DIDO1: variants seen among roughly 807,000 people sequenced by gnomAD.
DIDO1 encodes death inducer-obliterator 1, also known as death-inducer obliterator 1.
Under a neutral mutation model 99.4 loss-of-function variants are expected in DIDO1, and 16 were observed. That is an observed-to-expected ratio of 0.16 (90% CI 0.11 to 0.24). The LOEUF (loss-of-function observed/expected upper bound fraction) is 0.24, where lower values mean the gene tolerates loss of function less well. DIDO1 is among the 10% of genes least tolerant of loss of function. The pLI, the probability that DIDO1 is intolerant of heterozygous loss-of-function variation, is 1.00. For missense variants in DIDO1, 2,996 were observed against 3,014.0 expected (o/e 0.99, Z 0.14); for synonymous variants, 1,366 against 1,239.1 (o/e 1.10, Z -2.15).
upstream of DIDO1, among the ~76,000 whole-genome samples, chr20:62,929,692 A>AAAAAAAAAAAAAATATATATATAT: frequency 1.1e-4 from 7 of 63,708 alleles, 1 homozygote; most frequent in African/African-American, 5.3e-4. Context: ...AAAAAGAAAA[A>AAAAAAAAAAAAAATATATATATAT]GTGTATATAT....
chr20:62,911,292 G>A lies in DIDO1; in HGVS notation c.321C>T (p.Ala107=), dbSNP rs143161532. 121 of 1,611,524 alleles carry A rather than the reference G, an allele frequency of 7.5e-5. No individual in the cohort carries two copies. In the African/African-American group the frequency reaches 1.3e-3, roughly 17 times the overall value. Residue 107 remains alanine, a synonymous_variant, in exon 3 of 16, where the codon GCC becomes GCT. Coordinates refer to ENST00000395343, the MANE Select transcript of DIDO1 (RefSeq NM_001193369.2). The surrounding 1 kb of genome is among the most constrained non-coding windows in gnomAD (Gnocchi z 7.0). ...GEPTSCPATD[A]ETASEGSVES... is the part of the protein sequence containing the mutation. ...CCACGCTGCCCTCGGAGGCTGTCTC[G>A]GCGTCTGTGGCGGGGCAGGACGTGG...
chr20:62,906,278 GGTGGGCCCGCA>G (rs1157977189), intron 5 of DIDO1, among the ~76,000 whole-genome samples, 178 bp from the exon 6 acceptor site: 3 of 152,134 alleles, frequency 2.0e-5, no homozygotes, highest in Non-Finnish European at 4.4e-5. Context: ...GTGGGCCCGC[GGTGGGCCCGCA>G]GTTTCCCCGT....
At chr20:62,907,503 T>A in intron 4 of DIDO1, 144 bp from the exon 5 acceptor site, 3 of 813,628 alleles carry the variant, frequency 3.7e-6, no homozygotes, top group Non-Finnish European at 5.7e-6. Flanking sequence ...TGAATAAACA[T>A]TTTGTTGATT....
At chr20:62,931,495 C>T (rs1367946601), upstream of DIDO1, among the ~76,000 whole-genome samples, 1 of 152,190 alleles carries the variant, frequency 6.6e-6, no homozygotes, top group East Asian at 1.9e-4. Flanking sequence ...CAAAAAAACG[C>T]TTGGACAGAT....
At chr20:62,887,037 C>T (rs939598216) in intron 15 of DIDO1, among the ~76,000 whole-genome samples, 5 of 152,198 alleles carry the variant, frequency 3.3e-5, no homozygotes, top group South Asian at 2.1e-4. Context: ...GCCGGGGTGC[C>T]GAGAAGGGCC....
In DIDO1 at chr20:62,911,404, C is replaced by G. The variant is rs769102009; in HGVS notation, c.209G>C (p.Arg70Pro). ...SLRRSGRQPKRTERVEQFLTI... is the reference protein window; with the variant it reads ...SLRRSGRQPKPTERVEQFLTI... ...CAGGAACTGCTCCACGCGCTCAGTG[C>G]GCTTGGGCTGCCTCCCACTGCGCCG... Residue 70 changes from arginine (R) to proline (P), a missense_variant, in exon 3 of 16, where the codon CGC becomes CCC. Transcript: ENST00000395343. This position sits in a 1 kb window ranked among gnomAD's most constrained non-coding sequence, Gnocchi z 7.0. 1 of 1,611,490 alleles carries G rather than the reference C, an allele frequency of 6.2e-7. No individual in the cohort carries two copies. Among genetic ancestry groups the G allele is most frequent in the African/African-American group, 1.3e-5 (1 of 75,028 alleles).
At chr20:62,934,569 C>T (rs775845843) in intron 1 of DIDO1, among the ~76,000 whole-genome samples, 2 of 152,192 alleles carry the variant, frequency 1.3e-5, no homozygotes, top group South Asian at 2.1e-4. Context: ...GCTGCTGCAG[C>T]GTTTTGTGGC....
chr20:62,906,259 G>C (rs1348230466), intron 5 of DIDO1, among the ~76,000 whole-genome samples, 159 bp from the exon 6 acceptor site: 1 of 152,222 alleles, frequency 6.6e-6, no homozygotes, highest in Non-Finnish European at 1.5e-5. Context: ...CAACACACTT[G>C]CGTATTCGGT....
At chr20:62,906,266 C>T (rs899105904) in intron 5 of DIDO1, among the ~76,000 whole-genome samples, 166 bp from the exon 6 acceptor site, 5 of 152,060 alleles carry the variant, frequency 3.3e-5, no homozygotes, top group South Asian at 2.1e-4. Context: ...CTTGCGTATT[C>T]GGTGGGCCCG....
At chr20:62,930,615 A>G (rs2065323855), upstream of DIDO1, among the ~76,000 whole-genome samples, 1 of 152,234 alleles carries the variant, frequency 6.6e-6, no homozygotes. Context: ...GAGGGAAATG[A>G]GATGGGAGGA....
chr20:62,894,730 C>A lies in DIDO1; in HGVS notation c.2436+80G>T. The A allele has an allele frequency of 6.7e-7, 1 of 1,489,518 alleles. No homozygotes were observed. The highest frequency in any genetic ancestry group is 9.1e-7 in the Non-Finnish European group (1 of 1,095,824). 92.3% of individuals were successfully genotyped at this position (1,489,518 alleles called of 1,614,324 possible). A position where few individuals can be genotyped will look rare whatever the true frequency, so the allele number is the denominator to read the frequency against. ...CACCTGCTGTAAGCTCAGGTCCTGCCCAATAATTTAAGATAACCTCAAAAC... is the reference window on the plus strand; with the variant it reads ...CACCTGCTGTAAGCTCAGGTCCTGCACAATAATTTAAGATAACCTCAAAAC... On this transcript the variant is annotated intron_variant, in intron 10 of 15. Coordinates refer to ENST00000395343, the MANE Select transcript of DIDO1 (RefSeq NM_001193369.2). The surrounding 1 kb of genome is among the most constrained non-coding windows in gnomAD (Gnocchi z 4.4).
At chr20:62,921,263 G>A (rs1380564928) in intron 1 of DIDO1, among the ~76,000 whole-genome samples, 1 of 152,214 alleles carries the variant, frequency 6.6e-6, no homozygotes, top group Non-Finnish European at 1.5e-5. Context: ...CAAACATGGT[G>A]ACTATCAATA....
upstream of DIDO1, chr20:62,926,589 C>G (rs2065261378): frequency 6.6e-6 from 1 of 152,192 alleles, no homozygotes; most frequent in Non-Finnish European, 1.5e-5. Context: ...GAGCGGAGCC[C>G]GGGCTGCGAA....
In DIDO1 at chr20:62,909,759, C is replaced by T; in HGVS notation, c.1101G>A (p.Lys367=). 1 of 1,614,242 alleles carries T rather than the reference C, an allele frequency of 6.2e-7. No individual in the cohort carries two copies. The highest frequency in any genetic ancestry group is 8.5e-7 in the Non-Finnish European group (1 of 1,180,040). Residue 367 remains lysine, a synonymous_variant, in exon 4 of 16, where the codon AAG becomes AAA. Coordinates refer to ENST00000395343, the MANE Select transcript of DIDO1 (RefSeq NM_001193369.2). Reference sequence around the variant, plus strand: ...GATTTGCAGCTTTCTCAATTCTACCCTTTATCCCTTGGTCTTCGCTAGACT... The same window carrying T: ...GATTTGCAGCTTTCTCAATTCTACCTTTTATCCCTTGGTCTTCGCTAGACT... The part of the protein sequence containing the change: ...EQKSSEDQGI[K]GRIEKAANPS...
At chr20:62,920,643 T>C (rs575705228) in intron 1 of DIDO1, among the ~76,000 whole-genome samples, 1 of 152,340 alleles carries the variant, frequency 6.6e-6, no homozygotes, top group South Asian at 2.1e-4. Context: ...AGGGGTCCTT[T>C]TGGGAGGCCC....
chr20:62,925,824 C>T (rs1246485177), intron 1 of DIDO1, among the ~76,000 whole-genome samples: 1 of 152,188 alleles, frequency 6.6e-6, no homozygotes, highest in Non-Finnish European at 1.5e-5. Flanking sequence ...ACAAACTATT[C>T]CACAAAAAAA....
At chr20:62,899,909 G>C (rs566338992) in intron 6 of DIDO1, among the ~76,000 whole-genome samples, 14 of 152,362 alleles carry the variant, frequency 9.2e-5, no homozygotes, top group Admixed American at 4.6e-4. Flanking sequence ...TGCTCAACTT[G>C]GGTCAGCTGC....
At chr20:62,889,427 A>G (rs1479157822) in intron 15 of DIDO1, 1 of 985,342 alleles carries the variant, frequency 1.0e-6, no homozygotes, top group East Asian at 1.1e-4. Flanking sequence ...AGCTCAAGAA[A>G]GGATGAAATA....
At position 62,910,850 on chromosome 20, in the gene DIDO1, C is replaced by G. The variant is rs2064917184; in HGVS notation, c.763G>C (p.Gly255Arg). 6.2e-7 allele frequency: 1 copy of G among 1,614,136 alleles called. No homozygotes were observed. Among genetic ancestry groups the G allele is most frequent in the Admixed American group, 1.7e-5 (1 of 60,022 alleles). Residue 255 changes from glycine to arginine, a missense_variant, in exon 3 of 16, where the codon GGC becomes CGC. Gly to Arg is a moderately radical substitution (Grantham distance 125, BLOSUM62 -2). Coordinates refer to ENST00000395343, the MANE Select transcript of DIDO1 (RefSeq NM_001193369.2). ...CCCTCACATTCAGGCTTCGGTCGGC[C>G]CAAGTCTCCAGGCTCCTCATCTTTG... ...DIKDEEPGDL[G>R]RPKPECEGYD...
Sources: allele counts gnomAD v4.1 joint callset (sites outside exome capture counted in the v4.1 genomes callset), GRCh38; gene constraint gnomAD v4.1.1; non-coding constraint Gnocchi (gnomAD v3.1); transcripts MANE v1.5; gene names NCBI Gene and HGNC (gene_info 2026-07-23, HGNC 2026-07-21).